Variants in MTDH observed in about 807,000 individuals in gnomAD.
MTDH encodes protein LYRIC.
Under a neutral mutation model 72.7 loss-of-function variants are expected in MTDH, and 34 were observed. The observed-to-expected ratio is 0.47, with a 90% CI of 0.36 to 0.62. MTDH has a LOEUF of 0.62. Ranked by LOEUF, MTDH falls within the 20% of genes least tolerant of loss-of-function variation. The pLI, the probability that MTDH is intolerant of heterozygous loss-of-function variation, is 0.00. For synonymous variants in MTDH, 266 were observed against 268.9 expected, an observed-to-expected ratio of 0.99 and a Z score of 0.10; for missense variants, 677 against 699.4, an observed-to-expected ratio of 0.97 and a Z score of 0.36.
At chr8:97,673,195 A>T (rs896494378) in intron 2 of MTDH, among the ~76,000 whole-genome samples, 3 of 152,188 alleles carry the variant, frequency 2.0e-5, no homozygotes, top group Admixed American at 2.0e-4. Context: ...ATATAAGCAT[A>T]TTCTCTACTG....
At chr8:97,674,563 A>T (rs1477612364) in intron 2 of MTDH, among the ~76,000 whole-genome samples, 1 of 152,234 alleles carries the variant, frequency 6.6e-6, no homozygotes. Context: ...ATGTGAAGCA[A>T]TCTAAAGTAG....
chr8:97,644,554 G>T lies in MTDH; in HGVS notation c.48G>T (p.Glu16Asp). 6.2e-7 allele frequency: 1 copy of T among 1,602,386 alleles called. No individual in the cohort carries two copies. Among genetic ancestry groups the T allele is most frequent in the South Asian group, 1.1e-5 (1 of 89,852 alleles). Residue 16 changes from glutamate (E) to aspartate (D), a missense_variant, in exon 1 of 12, where the codon GAG (glutamate) becomes GAT (aspartate). Physicochemically the swap from Glu to Asp is conservative, Grantham distance 45. This residue lies in a region of MTDH where 467 missense variants were observed against 469.1 expected (regional missense o/e 1.00). Transcript: ENST00000336273. ...WQDELAQQAE[E>D]GSARLREMLS... is the part of the protein sequence containing the mutation. ...ACGAGCTGGCCCAGCAGGCCGAGGA[G>T]GGCTCGGCCCGGCTGCGGGAAATGC...
At chr8:97,683,941 A>G (rs1412581085) in intron 2 of MTDH, among the ~76,000 whole-genome samples, 1 of 151,990 alleles carries the variant, frequency 6.6e-6, no homozygotes, top group Non-Finnish European at 1.5e-5. Flanking sequence ...GAAAAACCCC[A>G]TCTCTACTAA....
chr8:97,723,262 G>T (rs1815207902), intron 11 of MTDH, among the ~76,000 whole-genome samples: 1 of 151,292 alleles, frequency 6.6e-6, no homozygotes, highest in Admixed American at 6.6e-5. Context: ...GCCAGGTGTG[G>T]CGGCGGGTGC....
At chr8:97,656,080 C>G (rs979645342) in intron 1 of MTDH, among the ~76,000 whole-genome samples, 1 of 152,178 alleles carries the variant, frequency 6.6e-6, no homozygotes, top group East Asian at 1.9e-4. Flanking sequence ...CTTCTAGTTT[C>G]TAAACCTAAG....
At chr8:97,710,910 G>T (rs1244179842) in intron 8 of MTDH, among the ~76,000 whole-genome samples, 1 of 151,960 alleles carries the variant, frequency 6.6e-6, no homozygotes, top group East Asian at 1.9e-4. Context: ...TGAGGCAGGG[G>T]AATTGCTTGA....
chr8:97,687,363 C>T, intron 3 of MTDH, 66 bp from the exon 4 acceptor site: 5 of 1,403,358 alleles, frequency 3.6e-6, no homozygotes, highest in African/African-American at 1.5e-5. Flanking sequence ...CCATATTCTC[C>T]CCCAAAACTA....
intron 7 of MTDH, among the ~76,000 whole-genome samples, chr8:97,703,476 T>C (rs1814220651): frequency 6.6e-6 from 1 of 152,236 alleles, no homozygotes; most frequent in Non-Finnish European, 1.5e-5. Context: ...GCCTAAACTT[T>C]CTTCTGCTTA....
At chr8:97,666,993 T>G (rs1233009845) in intron 2 of MTDH, among the ~76,000 whole-genome samples, 2 of 151,614 alleles carry the variant, frequency 1.3e-5, no homozygotes, top group African/African-American at 2.4e-5. Flanking sequence ...CACCGTACCC[T>G]GCCATTTTGT....
intron 2 of MTDH, among the ~76,000 whole-genome samples, chr8:97,674,145 C>G (rs1812747389): frequency 6.6e-6 from 1 of 152,000 alleles, no homozygotes. Context: ...CAACAGAGAC[C>G]CTGTCTCTGA....
At chr8:97,692,569 G>A (rs1813657198) in intron 6 of MTDH, among the ~76,000 whole-genome samples, 1 of 151,724 alleles carries the variant, frequency 6.6e-6, no homozygotes, top group African/African-American at 2.4e-5. Flanking sequence ...GTAGAGACGG[G>A]GTTTCACCAT....
chr8:97,677,658 A>G (rs62521691), intron 2 of MTDH, among the ~76,000 whole-genome samples: 22,852 of 152,124 alleles, frequency 0.15, 1,959 homozygotes, highest in East Asian at 0.33. Context: ...TGAAATAACA[A>G]TATGTTTATA....
rs1210915731 is a variant in MTDH, at chr8:97,644,705, C to T, written c.199C>T (p.Leu67=). The T allele has an allele frequency of 5.0e-6, 8 of 1,601,648 alleles. No individual in the cohort carries two copies. Among genetic ancestry groups the T allele is most frequent in the Non-Finnish European group, 5.1e-6 (6 of 1,176,240 alleles). The stretch of plus-strand genomic sequence containing the variant: ...GCTCGGGCTGCTGCTGCTGTTTCTG[C>T]TGGGCTACGGCTGGGCCGCGGCTTG... ...GALGLLLLFL[L]GYGWAAACAG... The change falls in exon 1 of 12, where the codon CTG becomes TTG. Residue 67 remains leucine (L), a synonymous_variant. Transcript: ENST00000336273.
chr8:97,667,773 C>G (rs1302865995), intron 2 of MTDH, among the ~76,000 whole-genome samples: 1 of 147,084 alleles, frequency 6.8e-6, no homozygotes. Flanking sequence ...AGGAGGATTG[C>G]TTGAGCCCAT....
intron 1 of MTDH, among the ~76,000 whole-genome samples, chr8:97,654,767 A>G (rs573360675): frequency 2.0e-4 from 31 of 152,164 alleles, no homozygotes; most frequent in Admixed American, 7.2e-4. Flanking sequence ...ACACACACAC[A>G]ATGCCTCCTG....
intron 1 of MTDH, among the ~76,000 whole-genome samples, chr8:97,647,515 C>T (rs578099762): frequency 4.0e-5 from 6 of 151,788 alleles, no homozygotes; most frequent in Admixed American, 6.6e-5. Flanking sequence ...TGAGCCAATT[C>T]GAGGCCCTGT....
At chr8:97,699,235 C>T (rs1273307611) in intron 6 of MTDH, among the ~76,000 whole-genome samples, 2 of 152,032 alleles carry the variant, frequency 1.3e-5, no homozygotes, top group Non-Finnish European at 1.5e-5. Flanking sequence ...TTGCAGTGAG[C>T]CGAGACTGTG....
At chr8:97,653,829 A>G (rs560145473) in intron 1 of MTDH, among the ~76,000 whole-genome samples, 32 of 152,346 alleles carry the variant, frequency 2.1e-4, no homozygotes, top group African/African-American at 7.5e-4. Flanking sequence ...GCTCCATGGA[A>G]TGCCAGGCTT....
intron 6 of MTDH, among the ~76,000 whole-genome samples, chr8:97,696,726 T>C (rs1813847202): frequency 1.3e-5 from 2 of 152,204 alleles, no homozygotes; most frequent in Non-Finnish European, 2.9e-5. Flanking sequence ...ATTTATAAAA[T>C]ACATGATTAC....
Sources: gnomAD v4.1 joint callset for allele counts (sites outside exome capture counted in the v4.1 genomes callset) on GRCh38, gnomAD v4.1.1 for gene constraint, gnomAD v4.1.1 regional missense constraint, MANE v1.5 for transcripts, NCBI Gene and HGNC (gene_info 2026-07-23, HGNC 2026-07-21) for gene names.